ADAMTSL1: variants seen among roughly 807,000 people sequenced by gnomAD.
The protein encoded by ADAMTSL1 is ADAMTS like 1, also known as ADAMTS-like protein 1.
ADAMTSL1 carries 126 observed loss-of-function variants against 201.8 expected under a neutral mutation model. That is an observed-to-expected ratio of 0.62 (90% CI 0.54 to 0.72). ADAMTSL1 has a LOEUF of 0.72. Ranked by LOEUF, ADAMTSL1 falls within the 30% of genes least tolerant of loss-of-function variation. The probability of loss-of-function intolerance (pLI) is 0.00; values close to 1 mark genes in which losing one functional copy is unlikely to be tolerated. For synonymous variants in ADAMTSL1, 1,121 were observed against 903.4 expected (o/e 1.24, Z -4.32); for missense variants, 2,679 against 2,277.8 (o/e 1.18, Z -3.59).
chr9:18,272,521 C>G (rs34308902), intron 2 of ADAMTSL1, among the ~76,000 whole-genome samples: 6,945 of 152,256 alleles, frequency 0.046, 246 homozygotes, highest in Non-Finnish European at 0.074. Context: ...AAAACCTAGG[C>G]AATACCATTC....
At chr9:18,569,198 G>T (rs1822137641) in intron 3 of ADAMTSL1, among the ~76,000 whole-genome samples, 1 of 152,072 alleles carries the variant, frequency 6.6e-6, no homozygotes, top group South Asian at 2.1e-4. Context: ...TTTCCCACTG[G>T]ATAGTTGATT....
intron 1 of ADAMTSL1, among the ~76,000 whole-genome samples, chr9:18,057,224 G>C (rs1337887501): frequency 6.6e-6 from 1 of 152,062 alleles, no homozygotes; most frequent in Non-Finnish European, 1.5e-5. Context: ...GTGCACTCAC[G>C]GTTTTCCTGT....
intron 15 of ADAMTSL1, among the ~76,000 whole-genome samples, chr9:18,731,234 G>C (rs1291698358): frequency 6.6e-6 from 1 of 152,242 alleles, no homozygotes; most frequent in Non-Finnish European, 1.5e-5. Context: ...AGGGTTTTAA[G>C]ATCAGACAGA....
At chr9:18,064,148 T>C (rs1315159136) in intron 1 of ADAMTSL1, among the ~76,000 whole-genome samples, 2 of 152,158 alleles carry the variant, frequency 1.3e-5, no homozygotes, top group Admixed American at 6.5e-5. Flanking sequence ...GAAGCACACA[T>C]TGCTGTCCCA....
chr9:17,918,064 T>C (rs2131285118), intron 1 of ADAMTSL1, among the ~76,000 whole-genome samples: 1 of 152,060 alleles, frequency 6.6e-6, no homozygotes, highest in East Asian at 1.9e-4. Flanking sequence ...CTGATCAATC[T>C]GCTTCATAGC....
At chr9:18,349,789 A>C (rs1835884404) in intron 2 of ADAMTSL1, among the ~76,000 whole-genome samples, 1 of 152,098 alleles carries the variant, frequency 6.6e-6, no homozygotes, top group African/African-American at 2.4e-5. Context: ...ACTGCAGACA[A>C]TGATCCTCTC....
chr9:17,933,547 A>G (rs1440935998), intron 1 of ADAMTSL1, among the ~76,000 whole-genome samples: 1 of 152,162 alleles, frequency 6.6e-6, no homozygotes, highest in Non-Finnish European at 1.5e-5. Flanking sequence ...TCACAGTGCT[A>G]TAAAGAAATG....
intron 1 of ADAMTSL1, among the ~76,000 whole-genome samples, chr9:18,094,361 C>A (rs2131824640): frequency 6.6e-6 from 1 of 152,286 alleles, no homozygotes; most frequent in Non-Finnish European, 1.5e-5. Context: ...TATATACTAC[C>A]ACTGTGTGGT....
chr9:18,823,209 A>C (rs1042674789), intron 21 of ADAMTSL1, among the ~76,000 whole-genome samples: 7 of 152,194 alleles, frequency 4.6e-5, no homozygotes, highest in African/African-American at 1.7e-4. Flanking sequence ...GAGGTTTGCC[A>C]GTAGATTAAA....
chr9:18,105,026 T>TA (rs531440165), intron 1 of ADAMTSL1, among the ~76,000 whole-genome samples: 186 of 147,966 alleles, frequency 1.3e-3, no homozygotes, highest in South Asian at 2.6e-3. Context: ...TATGTATAAA[T>TA]AAAAAAAAAA....
At chr9:17,980,123 T>C (rs964899977) in intron 1 of ADAMTSL1, among the ~76,000 whole-genome samples, 25 of 152,172 alleles carry the variant, frequency 1.6e-4, no homozygotes, top group Non-Finnish European at 3.1e-4. Context: ...GTGACATGGG[T>C]AGTGTGAAAC....
chr9:18,736,832 C>T (rs1818523999), intron 15 of ADAMTSL1, among the ~76,000 whole-genome samples: 1 of 152,256 alleles, frequency 6.6e-6, no homozygotes, highest in African/African-American at 2.4e-5. Context: ...CAGAGGTAAA[C>T]TTTAAATGGA....
intron 10 of ADAMTSL1, among the ~76,000 whole-genome samples, chr9:18,679,553 C>A (rs1401521514): frequency 5.9e-5 from 9 of 152,158 alleles, no homozygotes; most frequent in Admixed American, 5.9e-4. Flanking sequence ...TTCTACCTTA[C>A]TTAACTATAT....
chr9:18,683,842 A>G (rs1368097526), intron 12 of ADAMTSL1, among the ~76,000 whole-genome samples: 1 of 152,224 alleles, frequency 6.6e-6, no homozygotes, highest in East Asian at 1.9e-4. Flanking sequence ...CTCTCTAAAC[A>G]TCATTAAAAT....
intron 4 of ADAMTSL1, among the ~76,000 whole-genome samples, chr9:18,575,793 G>C (rs12337201): frequency 0.035 from 5,345 of 152,226 alleles, 316 homozygotes; most frequent in African/African-American, 0.12. Context: ...CCAGAAATGG[G>C]ACTAAATTCC....
intron 3 of ADAMTSL1, among the ~76,000 whole-genome samples, 181 bp downstream of exon 3, chr9:18,533,473 T>C (rs1367195704): frequency 2.0e-5 from 3 of 152,176 alleles, no homozygotes; most frequent in Non-Finnish European, 4.4e-5. Flanking sequence ...TTATAGACTT[T>C]TAATCATTTG....
chr9:17,968,333 A>G (rs757219618), intron 1 of ADAMTSL1, among the ~76,000 whole-genome samples: 1 of 152,114 alleles, frequency 6.6e-6, no homozygotes, highest in Non-Finnish European at 1.5e-5. Context: ...TACAATTTCT[A>G]AATACATGTC....
chr9:18,836,178 G>C (rs1825298381), intron 23 of ADAMTSL1, among the ~76,000 whole-genome samples: 1 of 152,046 alleles, frequency 6.6e-6, no homozygotes, highest in Admixed American at 6.6e-5. Flanking sequence ...GTTGTTTTTT[G>C]ATGCTTAAAT....
At chr9:18,354,840 G>A (rs1292300837) in intron 2 of ADAMTSL1, among the ~76,000 whole-genome samples, 1 of 152,058 alleles carries the variant, frequency 6.6e-6, no homozygotes, top group East Asian at 1.9e-4. Flanking sequence ...ACATGGTGGT[G>A]CACGCCTGTA....
Sources: allele counts gnomAD v4.1 joint callset (sites outside exome capture counted in the v4.1 genomes callset), GRCh38; gene constraint gnomAD v4.1.1; transcripts MANE v1.5; gene names NCBI Gene and HGNC (gene_info 2026-07-23, HGNC 2026-07-21).